The following ZAN variants were observed in gnomAD, a reference collection of about 807,000 sequenced individuals.
ZAN encodes the protein zonadhesin (gene/pseudogene).
ZAN carries 260 observed loss-of-function variants against 286.2 expected under a neutral mutation model. That is an observed-to-expected ratio of 0.91 (90% CI 0.82 to 1.01). ZAN has a LOEUF of 1.01. Ranked by LOEUF, ZAN falls within the 50% of genes least tolerant of loss-of-function variation. ZAN has a pLI of 0.00. For synonymous variants in ZAN, 1,368 were observed against 1,417.5 expected (o/e 0.97, Z 0.79); for missense variants, 3,410 against 3,639.2 (o/e 0.94, Z 1.62).
intron 8 of ZAN, among the ~76,000 whole-genome samples, chr7:100,747,300 T>G (rs1808296125): frequency 6.6e-6 from 1 of 151,836 alleles, no homozygotes; most frequent in African/African-American, 2.4e-5. Flanking sequence ...GGCAGGAGAA[T>G]CGCTTGAACC....
intron 9 of ZAN, among the ~76,000 whole-genome samples, 154 bp from the exon 10 acceptor site, chr7:100,747,983 C>T (rs1200710902): frequency 7.3e-6 from 1 of 137,392 alleles, no homozygotes; most frequent in African/African-American, 2.7e-5. Context: ...TAGAGCAAGA[C>T]TCTGAAAAAA....
At chr7:100,788,247 G>C in intron 38 of ZAN, 111 bp downstream of exon 38, 1 of 1,373,498 alleles carries the variant, frequency 7.3e-7, no homozygotes, top group Non-Finnish European at 9.5e-7. Flanking sequence ...GGCAGGGGTG[G>C]GCTGGTTGTA....
intron 14 of ZAN, among the ~76,000 whole-genome samples, chr7:100,753,706 G>A (rs942395512): frequency 4.6e-5 from 7 of 151,120 alleles, no homozygotes; most frequent in Non-Finnish European, 1.0e-4. Context: ...GGTGGCGCAC[G>A]CCTGTAGTCC....
At chr7:100,768,216 A>G (rs569094412) in intron 26 of ZAN, among the ~76,000 whole-genome samples, 24 of 152,288 alleles carry the variant, frequency 1.6e-4, no homozygotes, top group African/African-American at 5.8e-4. Flanking sequence ...TCATACCTGT[A>G]AATGCAACAC....
Position 100,764,193 on chromosome 7 carries a change from T to G in ZAN, c.4264T>G (p.Cys1422Gly). ...GAAGCCCTGGAGGGAACCCCACTTC[T>G]GCCGTGAGTTGTGCCAAACTCAGAG... ...AVKPWREPHFCPMACPPNSKY... is the reference protein window; with the variant it reads ...AVKPWREPHFGPMACPPNSKY... The change falls in exon 22 of 48, where the codon TGC becomes GGC. Residue 1422 changes from cysteine (C) to glycine (G), a missense_variant. This residue lies in a region of ZAN where 1,042 missense variants were observed against 1,058.0 expected (regional missense o/e 0.98). Transcript: ENST00000613979. 1 of 1,548,984 alleles carries G rather than the reference T, an allele frequency of 6.5e-7. No individual in the cohort carries two copies. The highest frequency in any genetic ancestry group is 8.7e-7 in the Non-Finnish European group (1 of 1,147,676).
chr7:100,752,443 C>G lies in ZAN; in HGVS notation c.2338C>G (p.Pro780Ala), dbSNP rs202010774. The change falls in exon 14 of 48, where the codon CCC becomes GCC. Residue 780 changes from proline to alanine, a missense_variant. Physicochemically the swap from Pro to Ala is conservative, Grantham distance 27. This residue lies in a region of ZAN where 39 missense variants were observed against 76.9 expected (regional missense o/e 0.51). Transcript: ENST00000613979. ...PEKLTIPTEK[P>A]TIPTEKPTIP... The stretch of plus-strand genomic sequence containing the variant: ...AAAACTCACCATCCCCACAGAAAAA[C>G]CCACCATCCCCACAGAAAAACCCAC... 2 of 1,594,514 alleles carry G rather than the reference C, an allele frequency of 1.3e-6. No homozygotes were observed. Among genetic ancestry groups the G allele is most frequent in the Non-Finnish European group, 1.7e-6 (2 of 1,170,944 alleles).
At chr7:100,791,142 G>T (rs1442749767) in intron 40 of ZAN, 29 bp downstream of exon 40, 6 of 1,597,636 alleles carry the variant, frequency 3.8e-6, no homozygotes, top group Non-Finnish European at 5.1e-6. Context: ...ATGAGGCGGG[G>T]GAGGTGAACA....
intron 42 of ZAN, among the ~76,000 whole-genome samples, chr7:100,793,054 A>G (rs538363183): frequency 2.6e-5 from 4 of 151,450 alleles, no homozygotes; most frequent in African/African-American, 7.2e-5. Flanking sequence ...AAAAGACTAG[A>G]CAGGCTGGAC....
chr7:100,761,985 T>A (rs1216066683), intron 19 of ZAN, among the ~76,000 whole-genome samples: 2 of 148,902 alleles, frequency 1.3e-5, no homozygotes, highest in Admixed American at 1.3e-4. Flanking sequence ...AATAAATAAA[T>A]AAAGTGGGAG....
Position 100,794,128 on chromosome 7 carries a change from C to T in ZAN, c.7995C>T (p.Ser2665=). ...TSNGIYYQLG[S]SFLTEDCSQR... is the part of the protein sequence containing the mutation. ...GCCCTTCCCCTTTCTAGCTGGGCAGCAGCTTTCTGACTGAGGACTGCTCTC... is the reference window on the plus strand; with the variant it reads ...GCCCTTCCCCTTTCTAGCTGGGCAGTAGCTTTCTGACTGAGGACTGCTCTC... The change falls in exon 44 of 48, where the codon AGC becomes AGT. Residue 2665 remains serine (S), a synonymous_variant. Coordinates refer to ENST00000613979, the MANE Select transcript of ZAN (RefSeq NM_003386.3). 1 of 1,614,020 alleles carries T rather than the reference C, an allele frequency of 6.2e-7. No individual in the cohort carries two copies. Among genetic ancestry groups the T allele is most frequent in the Non-Finnish European group, 8.5e-7 (1 of 1,179,890 alleles).
Position 100,773,375 on chromosome 7 carries a change from C to T in ZAN, c.5516C>T (p.Pro1839Leu), listed in dbSNP as rs535547920. The change falls in exon 30 of 48, where the codon CCC becomes CTC. Residue 1839 changes from proline (P) to leucine (L), a missense_variant. By Grantham distance (98) the Pro-to-Leu change is moderately conservative (BLOSUM62 -3). This residue lies in a region of ZAN where 1,289 missense variants were observed against 1,314.3 expected (regional missense o/e 0.98). Coordinates refer to ENST00000613979, the MANE Select transcript of ZAN (RefSeq NM_003386.3). ...AGCATAAACAACCCGAGGGACTGCC[C>T]CAAAGCACTGCCCTGTGCTGAGAGC... Reference protein sequence around the residue: ...CSSINNPRDCPKALPCAESCE... With the variant: ...CSSINNPRDCLKALPCAESCE... The T allele has an allele frequency of 6.2e-7, 1 of 1,614,000 alleles. No homozygotes were observed. The highest frequency in any genetic ancestry group is 8.5e-7 in the Non-Finnish European group (1 of 1,179,888).
At chr7:100,793,145 C>A (rs1211567303) in intron 42 of ZAN, among the ~76,000 whole-genome samples, 1 of 151,808 alleles carries the variant, frequency 6.6e-6, no homozygotes, top group Non-Finnish European at 1.5e-5. Flanking sequence ...TTGAGACCGG[C>A]CTGGGGAACC....
chr7:100,762,347 C>G lies in ZAN; in HGVS notation c.3975C>G (p.Asp1325Glu). 1 of 1,610,904 alleles carries G rather than the reference C, an allele frequency of 6.2e-7. No homozygotes were observed. Among genetic ancestry groups the G allele is most frequent in the Non-Finnish European group, 8.5e-7 (1 of 1,178,658 alleles). ...ELGNSWQTDQ[D>E]EDQECQKYQV... is the part of the protein sequence containing the mutation. ...GGAACAGCTGGCAGACGGACCAGGA[C>G]GAGGACCAGGAGTGAGCAAGGAGCC... The change falls in exon 20 of 48, where the codon GAC (aspartate) becomes GAG (glutamate). Residue 1325 changes from aspartate to glutamate, a missense_variant. Coordinates refer to ENST00000613979, the MANE Select transcript of ZAN (RefSeq NM_003386.3).
intron 29 of ZAN, 108 bp downstream of exon 29, chr7:100,772,128 C>T: frequency 7.5e-7 from 1 of 1,326,888 alleles, no homozygotes; most frequent in Non-Finnish European, 9.9e-7. Flanking sequence ...GAGTCTCACT[C>T]TGTTGCCCAG....
At position 100,785,938 on chromosome 7, in the gene ZAN, C is replaced by T. The variant is rs888319380; in HGVS notation, c.6835-59C>T. The stretch of plus-strand genomic sequence containing the variant: ...CCTCCCAAAGTGTTGGGATTACAGG[C>T]GTGAGCCGCCGCGCCCAGCCCCCTC... On this transcript the variant is annotated intron_variant, in intron 36 of 47. Transcript: ENST00000613979. 2.3e-5 allele frequency: 36 copies of T among 1,549,338 alleles called. No individual in the cohort carries two copies. The Admixed American group carries it at 3.7e-4, about 16-fold the overall frequency.
rs1811543667 is a variant in ZAN at position 100,786,048 on chromosome 7, G to A, written c.6886G>A (p.Gly2296Arg). The A allele has an allele frequency of 1.2e-6, 2 of 1,613,992 alleles. No individual in the cohort carries two copies. Among genetic ancestry groups the A allele is most frequent in the East Asian group, 4.5e-5 (2 of 44,888 alleles). Residue 2296 changes from glycine (G) to arginine (R), a missense_variant, in exon 37 of 48, where the codon GGA (glycine) becomes AGA (arginine). Physicochemically the swap from Gly to Arg is moderately radical, Grantham distance 125. This residue lies in a region of ZAN where 1,289 missense variants were observed against 1,314.3 expected (regional missense o/e 0.98). Coordinates refer to ENST00000613979, the MANE Select transcript of ZAN (RefSeq NM_003386.3). ...TTGCACGGAGAAGTGTGTCTGCACG[G>A]GAGGAGCCATTCAGTGCGGGGACTT... ...SGCTEKCVCT[G>R]GAIQCGDFRC...
At position 100,766,641 on chromosome 7, in the gene ZAN, T is replaced by C. The variant is rs558455190; in HGVS notation, c.4587T>C (p.Asp1529=). The C allele has an allele frequency of 8.9e-6, 14 of 1,566,410 alleles. No homozygotes were observed. The South Asian group carries it at 1.5e-4, about 17-fold the overall frequency. The change falls in exon 24 of 48, where the codon GAT becomes GAC. Residue 1529 remains aspartate (D), a synonymous_variant. Transcript: ENST00000613979. ...CRAQEFCGQQ[D]GIYGCHAQGA... ...CCCAGGAGTTCTGTGGCCAACAGGA[T>C]GGTATCTATGGCTGCCATGCCCAAG...
rs747402807 is a variant in ZAN, at chr7:100,746,703, G to A, written c.931+1G>A. 4 of 1,613,854 alleles carry A rather than the reference G, an allele frequency of 2.5e-6. No homozygotes were observed. In the South Asian group the frequency reaches 4.4e-5, roughly 18 times the overall value. On this transcript the variant is annotated splice_donor_variant, in intron 8 of 47. Coordinates refer to ENST00000613979, the MANE Select transcript of ZAN (RefSeq NM_003386.3). LOFTEE classifies it high-confidence loss of function. ...CTCCACATTTATGCTTCAGTCTTGGGTTAGAGCGGAGAATTAATGGGATTT... is the reference window on the plus strand; with the variant it reads ...CTCCACATTTATGCTTCAGTCTTGGATTAGAGCGGAGAATTAATGGGATTT...
At chr7:100,764,421 G>T (rs866502685) in intron 22 of ZAN, among the ~76,000 whole-genome samples, 1 of 152,120 alleles carries the variant, frequency 6.6e-6, no homozygotes, top group Non-Finnish European at 1.5e-5. Context: ...CTTGAACCCG[G>T]GAGGCAGAGG....
Sources: allele counts gnomAD v4.1 joint callset (sites outside exome capture counted in the v4.1 genomes callset), GRCh38; gene constraint gnomAD v4.1.1; regional missense constraint gnomAD v4.1.1; transcripts MANE v1.5; gene names NCBI Gene and HGNC (gene_info 2026-07-23, HGNC 2026-07-21).